Variants in ARRB1 observed in about 807,000 individuals in gnomAD.
ARRB1 encodes the protein arrestin beta 1.
ARRB1 carries 21 observed loss-of-function variants against 56.8 expected under a neutral mutation model. That is an observed-to-expected ratio of 0.37 (90% CI 0.26 to 0.53). The LOEUF is 0.53. Among genes scored for constraint, ARRB1 ranks in the 20% least tolerant of loss-of-function variants. ARRB1 has a pLI of 0.88. For missense variants in ARRB1, 424 were observed against 553.7 expected, an observed-to-expected ratio of 0.77 and a Z score of 2.35; for synonymous variants, 210 against 218.6, an observed-to-expected ratio of 0.96 and a Z score of 0.35.
In ARRB1 at chr11:75,342,724, C is replaced by T. The variant is rs376393022; in HGVS notation, c.20+8864G>A. On this transcript the variant is annotated intron_variant, in intron 1 of 15. Coordinates refer to ENST00000420843, the MANE Select transcript of ARRB1 (RefSeq NM_004041.5). ...AGAATGGAGCGCGCCCTCCAGAGGC[C>T]GGGAGAGAATGGCTCCGTGGCCGGG... Among the ~76,000 whole-genome samples, 379 of 152,156 alleles carry T rather than the reference C, an allele frequency of 2.5e-3. 1 individual carries two copies. The highest frequency in any genetic ancestry group is 8.8e-3 in the African/African-American group (364 of 41,502).
At chr11:75,312,300 T>A in intron 1 of ARRB1, 1 of 498,942 alleles carries the variant, frequency 2.0e-6, no homozygotes, top group Non-Finnish European at 3.4e-6. Flanking sequence ...GGCTCAAGTC[T>A]GCCACTTCCT....
At chr11:75,309,492 C>T (rs1947111262) in intron 1 of ARRB1, among the ~76,000 whole-genome samples, 1 of 152,200 alleles carries the variant, frequency 6.6e-6, no homozygotes, top group African/African-American at 2.4e-5. Context: ...TGAAATGAGG[C>T]CCTGGCACAG....
intron 1 of ARRB1, among the ~76,000 whole-genome samples, chr11:75,351,104 G>C (rs943336052): frequency 2.0e-5 from 3 of 152,246 alleles, no homozygotes; most frequent in African/African-American, 7.2e-5. Context: ...GTGCCAGCAC[G>C]AGGGTGTGCT....
At chr11:75,306,762 C>T (rs1947042418) in intron 1 of ARRB1, 1 of 995,454 alleles carries the variant, frequency 1.0e-6, no homozygotes, top group Non-Finnish European at 1.3e-6. Flanking sequence ...GTTCCTGATA[C>T]GCGTCCTGTT....
Position 75,274,085 on chromosome 11 carries a change from G to A in ARRB1, c.903C>T (p.Ala301=), listed in dbSNP as rs748580669. The part of the protein sequence containing the change: ...GKLKHEDTNL[A]SSTLLREGAN... Reference sequence around the variant, plus strand: ...GGGCAGGTCCTCACAGGGTGCTAGAGGCCAAGTTCGTGTCTTCGTGCTTGA... The same window carrying A: ...GGGCAGGTCCTCACAGGGTGCTAGAAGCCAAGTTCGTGTCTTCGTGCTTGA... Residue 301 remains alanine, a synonymous_variant, in exon 11 of 16, where the codon GCC becomes GCT. Coordinates refer to ENST00000420843, the MANE Select transcript of ARRB1 (RefSeq NM_004041.5). 1 of 1,614,108 alleles carries A rather than the reference G, an allele frequency of 6.2e-7. No individual in the cohort carries two copies. The highest frequency in any genetic ancestry group is 8.5e-7 in the Non-Finnish European group (1 of 1,180,040).
intron 13 of ARRB1, 33 bp from the exon 14 acceptor site, chr11:75,268,992 A>G: frequency 6.2e-7 from 1 of 1,600,274 alleles, no homozygotes; most frequent in Non-Finnish European, 8.5e-7. Flanking sequence ...GTGAGCCTTG[A>G]GCGGACTCAC....
intron 1 of ARRB1, 70 bp from the exon 2 acceptor site, chr11:75,290,109 C>T: frequency 6.3e-7 from 1 of 1,599,514 alleles, no homozygotes; most frequent in Non-Finnish European, 8.6e-7. Context: ...TGCGGGCCAC[C>T]TTGAGGCAGG....
intron 12 of ARRB1, among the ~76,000 whole-genome samples, chr11:75,272,361 C>T (rs939503278): frequency 3.9e-5 from 6 of 152,228 alleles, no homozygotes; most frequent in Non-Finnish European, 5.9e-5. Flanking sequence ...ACCACTATGA[C>T]CTGAGTTAGG....
Position 75,277,385 on chromosome 11 carries a change from C to G in ARRB1, c.682G>C (p.Val228Leu). 1.9e-5 allele frequency: 30 copies of G among 1,614,218 alleles called. No homozygotes were observed. The highest frequency in any genetic ancestry group is 2.5e-5 in the Non-Finnish European group (30 of 1,180,026). The change falls in exon 9 of 16, where the codon GTG becomes CTG. Residue 228 changes from valine (V) to leucine (L), a missense_variant. Around this residue, in one of 3 missense-constraint regions of ARRB1, gnomAD observed 301 missense variants for 387.9 expected, o/e 0.78. Transcript: ENST00000420843. ...ATACCTGAGATCTTGATCTTCTTCA[C>G]CGTCTTGTTGGTGTTGTTGGTGACG... ...VHVTNNTNKTVKKIKISVRQY... is the reference protein window; with the variant it reads ...VHVTNNTNKTLKKIKISVRQY...
At chr11:75,329,210 C>T (rs2140505188) in intron 1 of ARRB1, among the ~76,000 whole-genome samples, 1 of 151,972 alleles carries the variant, frequency 6.6e-6, no homozygotes. Flanking sequence ...AACTGATCCT[C>T]CCACCTCAGC....
Position 75,272,988 on chromosome 11 carries a change from G to T in ARRB1, c.915-10C>A. On this transcript the variant is annotated splice_polypyrimidine_tract_variant and intron_variant, in intron 11 of 15. Coordinates refer to ENST00000420843, the MANE Select transcript of ARRB1 (RefSeq NM_004041.5). ...GGCACCTTCCCTCAACCTGCAAAGTGACACAGGGGAGCCAGTTCAGGGGCC... is the reference window on the plus strand; with the variant it reads ...GGCACCTTCCCTCAACCTGCAAAGTTACACAGGGGAGCCAGTTCAGGGGCC... 1 of 1,613,608 alleles carries T rather than the reference G, an allele frequency of 6.2e-7. No individual in the cohort carries two copies. The highest frequency in any genetic ancestry group is 1.1e-5 in the South Asian group (1 of 91,014).
At chr11:75,333,834 C>T (rs1947557989) in intron 1 of ARRB1, among the ~76,000 whole-genome samples, 1 of 152,228 alleles carries the variant, frequency 6.6e-6, no homozygotes, top group Non-Finnish European at 1.5e-5. Context: ...GAAGGCAAGA[C>T]ATTGCTGCCA....
intron 1 of ARRB1, among the ~76,000 whole-genome samples, chr11:75,298,936 T>C (rs977280540): frequency 1.6e-4 from 25 of 151,954 alleles, no homozygotes; most frequent in African/African-American, 5.6e-4. Context: ...ATGTTAATTA[T>C]GTTAATTTAA....
rs992034884 is a variant in ARRB1 at position 75,261,075 on chromosome 11, A to G, written c.*5088T>C. ...CAGAGCTCCCCATGCTTCATGGGCC[A>G]ATATCAGGGTCACGACCCATCCCCA... On this transcript the variant is annotated 3_prime_UTR_variant, in exon 16 of 16. Coordinates refer to ENST00000420843, the MANE Select transcript of ARRB1 (RefSeq NM_004041.5). 1 of 148,178 alleles carries G rather than the reference A, an allele frequency of 6.7e-6. No homozygotes were observed. Among genetic ancestry groups the G allele is most frequent in the Non-Finnish European group, 1.5e-5 (1 of 68,024 alleles). 9.2% of individuals were successfully genotyped at this position (148,178 alleles called of 1,614,324 possible). A position where few individuals can be genotyped will look rare whatever the true frequency, so the allele number is the denominator to read the frequency against.
chr11:75,333,004 T>C (rs1224785918), intron 1 of ARRB1, among the ~76,000 whole-genome samples: 2 of 152,186 alleles, frequency 1.3e-5, no homozygotes, highest in African/African-American at 2.4e-5. Flanking sequence ...ATGTATTTGA[T>C]TGATGTCTCA....
chr11:75,277,022 A>ATTG, intron 9 of ARRB1, 111 bp from the exon 10 acceptor site: 3 of 1,030,440 alleles, frequency 2.9e-6, no homozygotes, highest in Non-Finnish European at 4.5e-6. Context: ...GCCAGAGGCC[A>ATTG]CCAGTGGGGA....
Position 75,287,330 on chromosome 11 carries a change from G to A in ARRB1, c.97C>T (p.Leu33Phe). 1 of 1,557,838 alleles carries A rather than the reference G, an allele frequency of 6.4e-7. No homozygotes were observed. Among genetic ancestry groups the A allele is most frequent in the Non-Finnish European group, 8.7e-7 (1 of 1,150,382 alleles). Residue 33 changes from leucine (L) to phenylalanine (F), a missense_variant, in exon 3 of 16, where the codon CTC becomes TTC. Around this residue, in one of 3 missense-constraint regions of ARRB1, gnomAD observed 301 missense variants for 387.9 expected, o/e 0.78. Transcript: ENST00000420843. ...AGGGACTCACCCACAGGGTCCACGAGGTCGATGTGGTCCACAAAGTCCCGC... is the reference window on the plus strand; with the variant it reads ...AGGGACTCACCCACAGGGTCCACGAAGTCGATGTGGTCCACAAAGTCCCGC... ...GKRDFVDHID[L>F]VDPVDGVVLV...
At chr11:75,300,672 A>G (rs475557) in intron 1 of ARRB1, among the ~76,000 whole-genome samples, 49,219 of 151,530 alleles carry the variant, frequency 0.32, 9,416 homozygotes, top group Non-Finnish European at 0.42. Flanking sequence ...TCGACTAAAA[A>G]TACAAAAATT....
chr11:75,286,438 T>A (rs1399188762), intron 3 of ARRB1, among the ~76,000 whole-genome samples: 1 of 151,646 alleles, frequency 6.6e-6, no homozygotes, highest in East Asian at 1.9e-4. Flanking sequence ...CGGCTATTTT[T>A]TTTTTCTGTA....
Sources: allele counts gnomAD v4.1 joint callset (sites outside exome capture counted in the v4.1 genomes callset), GRCh38; gene constraint gnomAD v4.1.1; regional missense constraint gnomAD v4.1.1; transcripts MANE v1.5; gene names NCBI Gene and HGNC (gene_info 2026-07-23, HGNC 2026-07-21).